The following FLRT1 variants were observed in gnomAD, a reference collection of about 807,000 sequenced individuals.
FLRT1 encodes leucine-rich repeat transmembrane protein FLRT1.
In FLRT1, 14 loss-of-function variants were observed where a neutral mutation model predicts 30.9. The ratio of observed to expected loss-of-function variants is 0.45; its 90% CI spans 0.30 to 0.71. The LOEUF (loss-of-function observed/expected upper bound fraction) is 0.71, where lower values mean the gene tolerates loss of function less well. Ranked by LOEUF, FLRT1 falls within the 30% of genes least tolerant of loss-of-function variation. The pLI, the probability that FLRT1 is intolerant of heterozygous loss-of-function variation, is 0.08. For missense variants in FLRT1, 737 were observed against 949.2 expected (o/e 0.78, Z 2.94); for synonymous variants, 368 against 430.4 (o/e 0.85, Z 1.80).
At chr11:64,059,409 G>A (rs1434812802) in intron 1 of FLRT1, among the ~76,000 whole-genome samples, 1 of 152,154 alleles carries the variant, frequency 6.6e-6, no homozygotes, top group Non-Finnish European at 1.5e-5. Context: ...AGTGGGGGTG[G>A]GAAGAGATGT....
At chr11:64,083,737 G>A (rs1217768001) in intron 1 of FLRT1, among the ~76,000 whole-genome samples, 1 of 152,232 alleles carries the variant, frequency 6.6e-6, no homozygotes, top group African/African-American at 2.4e-5. Context: ...CTGCTAGTGT[G>A]TGGAATGGGG....
At chr11:64,059,916 G>A (rs1476438095) in intron 1 of FLRT1, among the ~76,000 whole-genome samples, 1 of 152,142 alleles carries the variant, frequency 6.6e-6, no homozygotes, top group Non-Finnish European at 1.5e-5. Context: ...GCTGGCAACC[G>A]CGACCTCCTG....
At chr11:64,110,019 C>T (rs1213501721) in intron 2 of FLRT1, among the ~76,000 whole-genome samples, 2 of 152,102 alleles carry the variant, frequency 1.3e-5, no homozygotes, top group African/African-American at 2.4e-5. Flanking sequence ...ATCCAGATCA[C>T]ACTCAGGAGG....
At chr11:64,038,260 G>A (rs1447345652) in intron 1 of FLRT1, among the ~76,000 whole-genome samples, 1 of 152,232 alleles carries the variant, frequency 6.6e-6, no homozygotes, top group Non-Finnish European at 1.5e-5. Flanking sequence ...GGCTGAGCCT[G>A]TGTCGCATTC....
chr11:64,118,023 C>T lies in FLRT1; in HGVS notation c.1756C>T (p.Arg586Trp), dbSNP rs555915933. Reference protein sequence around the residue: ...YVHQAGELLTRERAYNRGSRK... With the variant: ...YVHQAGELLTWERAYNRGSRK... ...GCACCAGGCTGGCGAGCTGCTGACCCGGGAGAGGGCCTACAACCGGGGCAG... is the reference window on the plus strand; with the variant it reads ...GCACCAGGCTGGCGAGCTGCTGACCTGGGAGAGGGCCTACAACCGGGGCAG... The change falls in exon 3 of 3, where the codon CGG becomes TGG. Residue 586 changes from arginine to tryptophan, a missense_variant. Transcript: ENST00000682287. 1.2e-5 allele frequency: 20 copies of T among 1,613,502 alleles called. No individual in the cohort carries two copies. Among genetic ancestry groups the T allele is most frequent in the South Asian group, 2.2e-5 (2 of 91,086 alleles).
intron 1 of FLRT1, among the ~76,000 whole-genome samples, chr11:64,084,385 G>A (rs1011549203): frequency 3.3e-5 from 5 of 152,116 alleles, no homozygotes; most frequent in African/African-American, 1.2e-4. Context: ...TTCCTGCTCT[G>A]CCCCCGCTGC....
In FLRT1 at chr11:64,116,989, A is replaced by T. The variant is rs1565241569; in HGVS notation, c.722A>T (p.Asp241Val). The T allele has an allele frequency of 5.6e-6, 9 of 1,612,456 alleles. No homozygotes were observed. The highest frequency in any genetic ancestry group is 7.6e-6 in the Non-Finnish European group (9 of 1,179,906). ...GNLLANQRIADDTFSRLQNLT... is the reference protein window; with the variant it reads ...GNLLANQRIAVDTFSRLQNLT... ...CTGCTGGCCAACCAGCGCATCGCCG[A>T]CGACACCTTCAGCCGCCTACAGAAC... The change falls in exon 3 of 3, where the codon GAC becomes GTC. Residue 241 changes from aspartate (D) to valine (V), a missense_variant. By Grantham distance (152) the Asp-to-Val change is radical. Coordinates refer to ENST00000682287, the MANE Select transcript of FLRT1 (RefSeq NM_013280.5).
chr11:64,099,995 C>T (rs1304118002), intron 1 of FLRT1, among the ~76,000 whole-genome samples: 1 of 152,150 alleles, frequency 6.6e-6, no homozygotes, highest in Non-Finnish European at 1.5e-5. Flanking sequence ...TGGTCCGTTT[C>T]TCTTGCGCTG....
chr11:64,115,340 TTTTA>T (rs1172298180), intron 2 of FLRT1, among the ~76,000 whole-genome samples: 2 of 152,176 alleles, frequency 1.3e-5, no homozygotes, highest in Non-Finnish European at 2.9e-5. Flanking sequence ...TCCTCCCTCC[TTTTA>T]TTTGTCTCAT....
chr11:64,051,277 CT>C (rs1455006426), intron 1 of FLRT1, among the ~76,000 whole-genome samples: 1 of 152,212 alleles, frequency 6.6e-6, no homozygotes, highest in Admixed American at 6.5e-5. Flanking sequence ...AGGGGAGGGG[CT>C]GGTCCCTCTT....
intron 1 of FLRT1, among the ~76,000 whole-genome samples, chr11:64,061,417 C>T (rs1344412503): frequency 6.6e-6 from 1 of 152,184 alleles, no homozygotes; most frequent in East Asian, 1.9e-4. Flanking sequence ...AGGCCGGCCT[C>T]CCAGGACCTT....
At chr11:64,076,562 G>A (rs1010046430) in intron 1 of FLRT1, among the ~76,000 whole-genome samples, 5 of 152,094 alleles carry the variant, frequency 3.3e-5, no homozygotes, top group African/African-American at 4.8e-5. Context: ...CTAAGTTCTC[G>A]GCCAGAGAAC....
At chr11:64,105,453 C>T (rs1490134141) in intron 2 of FLRT1, among the ~76,000 whole-genome samples, 2 of 152,218 alleles carry the variant, frequency 1.3e-5, no homozygotes, top group Non-Finnish European at 2.9e-5. Flanking sequence ...AGCATGTGAC[C>T]TTGGACAGGT....
chr11:64,116,843 C>T lies in FLRT1; in HGVS notation c.576C>T (p.Ile192=). The T allele has an allele frequency of 1.2e-6, 2 of 1,612,806 alleles. No homozygotes were observed. Among genetic ancestry groups the T allele is most frequent in the Non-Finnish European group, 1.7e-6 (2 of 1,179,922 alleles). The part of the protein sequence containing the change: ...LFLSRNHLSS[I]PSGLPHTLEE... The stretch of plus-strand genomic sequence containing the variant: ...TGAGCCGGAACCACCTGAGCAGCAT[C>T]CCCTCGGGGCTGCCGCACACGCTGG... Residue 192 remains isoleucine (I), a synonymous_variant, in exon 3 of 3, where the codon ATC becomes ATT. Transcript: ENST00000682287.
Position 64,118,530 on chromosome 11 carries a change from T to C in FLRT1, c.*238T>C. On this transcript the variant is annotated 3_prime_UTR_variant, in exon 3 of 3. Coordinates refer to ENST00000682287, the MANE Select transcript of FLRT1 (RefSeq NM_013280.5). ...TCGACATTGTTGAAGACATAATTTA[T>C]ACCAAGTTATGCCAGTTGGGGAGGG... 2.2e-6 allele frequency: 1 copy of C among 463,004 alleles called. No individual in the cohort carries two copies. 28.7% of individuals were successfully genotyped at this position (463,004 alleles called of 1,614,324 possible). A position where few individuals can be genotyped will look rare whatever the true frequency, so the allele number is the denominator to read the frequency against.
intron 1 of FLRT1, among the ~76,000 whole-genome samples, chr11:64,084,762 A>C (rs746295528): frequency 1.3e-5 from 2 of 152,196 alleles, no homozygotes; most frequent in African/African-American, 4.8e-5. Flanking sequence ...TGGTGACCCC[A>C]GCATTCTCCC....
At chr11:64,088,177 A>G (rs1401121853) in intron 1 of FLRT1, among the ~76,000 whole-genome samples, 3 of 152,196 alleles carry the variant, frequency 2.0e-5, no homozygotes, top group African/African-American at 7.2e-5. Flanking sequence ...CAGGGACCCA[A>G]AGCAGCCAGA....
chr11:64,095,701 G>A (rs538093346), intron 1 of FLRT1, among the ~76,000 whole-genome samples: 3 of 152,332 alleles, frequency 2.0e-5, no homozygotes, highest in East Asian at 3.9e-4. Context: ...GTCTGAGGAG[G>A]GCTGGGTTTC....
At chr11:64,080,805 G>A (rs758059515) in intron 1 of FLRT1, among the ~76,000 whole-genome samples, 1 of 152,132 alleles carries the variant, frequency 6.6e-6, no homozygotes, top group African/African-American at 2.4e-5. Context: ...AGTGTCCTCG[G>A]GCTCAGTGAT....
Sources: gnomAD v4.1 joint callset for allele counts (sites outside exome capture counted in the v4.1 genomes callset) on GRCh38, gnomAD v4.1.1 for gene constraint, MANE v1.5 for transcripts, NCBI Gene and HGNC (gene_info 2026-07-23, HGNC 2026-07-21) for gene names.